The following MIB1 variants were observed in gnomAD, a reference collection of about 807,000 sequenced individuals.
The protein encoded by MIB1 is MIB E3 ubiquitin protein ligase 1.
A neutral mutation model predicts 124.5 loss-of-function variants in MIB1; 278 were observed. That is an observed-to-expected ratio of 2.23 (90% CI 2.02 to 2.47). MIB1 has a LOEUF of 2.47. Ranked by LOEUF, MIB1 falls within the 30% of genes most tolerant of loss-of-function variation. MIB1 has a pLI of 0.00. For missense variants in MIB1, 957 were observed against 1,254.4 expected, an observed-to-expected ratio of 0.76 and a Z score of 3.58; for synonymous variants, 446 against 429.4, an observed-to-expected ratio of 1.04 and a Z score of -0.48.
At chr18:21,799,661 G>A (rs1598617039) in intron 8 of MIB1, among the ~76,000 whole-genome samples, 180 bp from the exon 9 acceptor site, 1 of 151,886 alleles carries the variant, frequency 6.6e-6, no homozygotes, top group African/African-American at 2.4e-5. Flanking sequence ...AATACTTAAG[G>A]GCTTGCATTT....
chr18:21,729,701 G>C (rs1288041920), intron 1 of MIB1, among the ~76,000 whole-genome samples: 1 of 152,050 alleles, frequency 6.6e-6, no homozygotes, highest in East Asian at 1.9e-4. Context: ...TGTTGGCCAG[G>C]CTGGTCTCGA....
Position 21,756,719 on chromosome 18 carries a change from C to T in MIB1, c.230-9053C>T, listed in dbSNP as rs936531068. On this transcript the variant is annotated intron_variant, in intron 1 of 20. Transcript: ENST00000261537. Reference sequence around the variant, plus strand: ...TCTTAGGTGATCTGCCCACCTGGGCCTCCCAAAGTGCTGGGATTACAGGCG... The same window carrying T: ...TCTTAGGTGATCTGCCCACCTGGGCTTCCCAAAGTGCTGGGATTACAGGCG... Among the ~76,000 whole-genome samples the T allele has an allele frequency of 2.6e-5, 4 of 152,278 alleles. No homozygotes were observed. The South Asian group carries it at 6.2e-4, about 24-fold the overall frequency.
intron 5 of MIB1, among the ~76,000 whole-genome samples, chr18:21,778,683 A>G (rs1050457881): frequency 3.3e-5 from 5 of 152,058 alleles, no homozygotes; most frequent in African/African-American, 1.2e-4. Flanking sequence ...CACTCTCCTG[A>G]TCTTTATTCT....
intron 4 of MIB1, among the ~76,000 whole-genome samples, chr18:21,777,342 C>T (rs1291702375): frequency 6.6e-6 from 1 of 151,292 alleles, no homozygotes; most frequent in Non-Finnish European, 1.5e-5. Flanking sequence ...ATCGCTTGAA[C>T]CCAGGAGGCG....
intron 9 of MIB1, among the ~76,000 whole-genome samples, chr18:21,801,495 GC>G (rs1210674299): frequency 2.0e-5 from 3 of 151,904 alleles, no homozygotes; most frequent in African/African-American, 7.3e-5. Context: ...TTTTTAAAAA[GC>G]TGAAGTATAA....
chr18:21,718,211 G>T (rs1397545706), intron 1 of MIB1, among the ~76,000 whole-genome samples: 1 of 152,062 alleles, frequency 6.6e-6, no homozygotes, highest in Non-Finnish European at 1.5e-5. Context: ...GCATAATAAT[G>T]ACACAGTGGA....
Position 21,864,708 on chromosome 18 carries a change from A to T in MIB1, c.*42A>T, listed in dbSNP as rs1212132647. ...ATTTTGTTAGCTAATGTATCTAGTCATGAGATCTTAATAGGCTTTTGATCT... is the reference window on the plus strand; with the variant it reads ...ATTTTGTTAGCTAATGTATCTAGTCTTGAGATCTTAATAGGCTTTTGATCT... On this transcript the variant is annotated 3_prime_UTR_variant, in exon 21 of 21. Coordinates refer to ENST00000261537, the MANE Select transcript of MIB1 (RefSeq NM_020774.4). 5 of 1,523,944 alleles carry T rather than the reference A, an allele frequency of 3.3e-6. No individual in the cohort carries two copies. Among genetic ancestry groups the T allele is most frequent in the Non-Finnish European group, 4.5e-6 (5 of 1,107,036 alleles). The allele number at this position is 1,523,944 out of a possible 1,614,324, so 94.4% of individuals were successfully genotyped here.
At chr18:21,841,932 C>A (rs2042093203) in intron 13 of MIB1, among the ~76,000 whole-genome samples, 1 of 151,452 alleles carries the variant, frequency 6.6e-6, no homozygotes, top group Non-Finnish European at 1.5e-5. Flanking sequence ...AAAGAAAAAT[C>A]CCCATTGTGC....
rs571855750 is a variant in MIB1 at position 21,842,576 on chromosome 18, G to C, written c.1963-555G>C. Among the ~76,000 whole-genome samples, 8 of 152,182 alleles carry C rather than the reference G, an allele frequency of 5.3e-5. No individual in the cohort carries two copies. In the East Asian group the frequency reaches 1.4e-3, roughly 26 times the overall value. ...GCTGTTCTCATACGGTTCTTCAGCTGCCCTAGGTTCTTGGGTAGGATTTTC... is the reference window on the plus strand; with the variant it reads ...GCTGTTCTCATACGGTTCTTCAGCTCCCCTAGGTTCTTGGGTAGGATTTTC... On this transcript the variant is annotated intron_variant, in intron 13 of 20. Coordinates refer to ENST00000261537, the MANE Select transcript of MIB1 (RefSeq NM_020774.4).
intron 12 of MIB1, 32 bp from the exon 13 acceptor site, chr18:21,838,333 A>G: frequency 6.7e-7 from 1 of 1,489,636 alleles, no homozygotes; most frequent in South Asian, 1.3e-5. Flanking sequence ...CAAATTATGC[A>G]AATATAGAAA....
intron 8 of MIB1, among the ~76,000 whole-genome samples, chr18:21,798,583 T>A (rs923020619): frequency 6.6e-6 from 1 of 152,166 alleles, no homozygotes; most frequent in African/African-American, 2.4e-5. Flanking sequence ...ATCACTTTCT[T>A]AGACTTCTTT....
At chr18:21,832,496 A>G (rs1232915260) in intron 12 of MIB1, among the ~76,000 whole-genome samples, 1 of 152,222 alleles carries the variant, frequency 6.6e-6, no homozygotes, top group Non-Finnish European at 1.5e-5. Flanking sequence ...AAAAAATATT[A>G]AAACATGAAG....
chr18:21,754,369 A>G (rs1457502926), intron 1 of MIB1, among the ~76,000 whole-genome samples: 2 of 152,324 alleles, frequency 1.3e-5, no homozygotes, highest in East Asian at 1.9e-4. Context: ...TAAATTGCAT[A>G]CTATTCTGAA....
intron 6 of MIB1, among the ~76,000 whole-genome samples, chr18:21,784,205 C>T (rs1316362458): frequency 6.6e-6 from 1 of 151,982 alleles, no homozygotes; most frequent in Non-Finnish European, 1.5e-5. Context: ...CGTGCCACCA[C>T]ACCCAGCTAG....
chr18:21,853,159 GCT>G lies in MIB1; in HGVS notation c.2609_2610del (p.Ser870Ter). 1.2e-6 allele frequency: 2 copies of G among 1,613,086 alleles called. No homozygotes were observed. The highest frequency in any genetic ancestry group is 2.2e-5 in the South Asian group (2 of 91,062). ...CTATAGATTGAAGAATGTGTGGTAT[GCT>G]CTGACAAGAAAGCAGCTGTTCTTTT... On this transcript the variant is annotated frameshift_variant, in exon 18 of 21. Coordinates refer to ENST00000261537, the MANE Select transcript of MIB1 (RefSeq NM_020774.4). LOFTEE classifies it high-confidence loss of function.
intron 4 of MIB1, among the ~76,000 whole-genome samples, chr18:21,777,900 A>G (rs1460051579): frequency 1.3e-5 from 2 of 152,232 alleles, no homozygotes; most frequent in African/African-American, 4.8e-5. Flanking sequence ...GAATGCTGAA[A>G]GTAAATAAAA....
chr18:21,759,265 C>G (rs558614748), intron 1 of MIB1, among the ~76,000 whole-genome samples: 4 of 151,108 alleles, frequency 2.6e-5, no homozygotes, highest in Non-Finnish European at 5.9e-5. Context: ...TTTTTTGAGA[C>G]GGAGTTTGGC....
chr18:21,770,019 C>T (rs2039222657), intron 3 of MIB1, among the ~76,000 whole-genome samples: 1 of 152,000 alleles, frequency 6.6e-6, no homozygotes, highest in Non-Finnish European at 1.5e-5. Context: ...ACCTGGCCAA[C>T]ATGGTGAGAC....
chr18:21,799,396 T>C (rs528237917), intron 8 of MIB1, among the ~76,000 whole-genome samples: 2 of 152,154 alleles, frequency 1.3e-5, no homozygotes, highest in Admixed American at 1.3e-4. Flanking sequence ...TCCCCAGATA[T>C]TACAGAGATT....
Sources: gnomAD v4.1 joint callset for allele counts (sites outside exome capture counted in the v4.1 genomes callset) on GRCh38, gnomAD v4.1.1 for gene constraint, MANE v1.5 for transcripts, NCBI Gene and HGNC (gene_info 2026-07-23, HGNC 2026-07-21) for gene names.